The following USP37 variants were observed in gnomAD, a reference collection of about 807,000 sequenced individuals.
USP37 encodes ubiquitin specific peptidase 37.
Under a neutral mutation model 124.0 loss-of-function variants are expected in USP37, and 27 were observed. The observed-to-expected ratio is 0.22, with a 90% CI of 0.16 to 0.30. USP37 has a LOEUF of 0.30. Ranked by LOEUF, USP37 falls within the 10% of genes least tolerant of loss-of-function variation. The probability of loss-of-function intolerance (pLI) is 1.00; values close to 1 mark genes in which losing one functional copy is unlikely to be tolerated. For synonymous variants in USP37, 365 were observed against 388.0 expected (o/e 0.94, Z 0.70); for missense variants, 889 against 1,140.4 (o/e 0.78, Z 3.17).
chr2:218,460,772 C>T (rs890960534), intron 22 of USP37, among the ~76,000 whole-genome samples: 55 of 152,010 alleles, frequency 3.6e-4, no homozygotes, highest in Admixed American at 3.3e-3. Context: ...AAAACTCCTT[C>T]TCTACTAAAA....
intron 14 of USP37, among the ~76,000 whole-genome samples, chr2:218,490,285 G>T (rs1691858363): frequency 6.6e-6 from 1 of 152,138 alleles, no homozygotes; most frequent in Non-Finnish European, 1.5e-5. Flanking sequence ...AACTTGAAGT[G>T]AGCCGAGATC....
In USP37 at chr2:218,455,734, T is replaced by C. The variant is rs372331532; in HGVS notation, c.2714-16A>G. ...ATGTAATGACCTGAAACAAATAACA[T>C]CTTAAAATCAAGGTTTTTAAAAACA... On this transcript the variant is annotated splice_polypyrimidine_tract_variant and intron_variant, in intron 24 of 25. Transcript: ENST00000258399. The C allele has an allele frequency of 1.4e-4, 223 of 1,610,614 alleles. 1 individual carries two copies. In the South Asian group the frequency reaches 1.9e-3, roughly 14 times the overall value.
At chr2:218,566,062 T>C (rs1378083284) in intron 1 of USP37, among the ~76,000 whole-genome samples, 1 of 151,866 alleles carries the variant, frequency 6.6e-6, no homozygotes, top group African/African-American at 2.4e-5. Flanking sequence ...AAAATAATAA[T>C]AACAATAATT....
At chr2:218,560,037 G>A (rs1251055211) in intron 3 of USP37, among the ~76,000 whole-genome samples, 2 of 151,732 alleles carry the variant, frequency 1.3e-5, no homozygotes, top group Non-Finnish European at 1.5e-5. Flanking sequence ...AGCAATAATC[G>A]GATGTGTAAA....
Position 218,464,848 on chromosome 2 carries a change from T to C in USP37, c.2466+1162A>G, listed in dbSNP as rs898784274. Among the ~76,000 whole-genome samples the C allele has an allele frequency of 2.6e-5, 4 of 152,098 alleles. No homozygotes were observed. In the South Asian group the frequency reaches 8.3e-4, roughly 32 times the overall value. Reference sequence around the variant, plus strand: ...CTATAATCCCAGCACTTTGGGAGGTTGTGGTGGGAGGACTGCTTAAGCCCA... The same window carrying C: ...CTATAATCCCAGCACTTTGGGAGGTCGTGGTGGGAGGACTGCTTAAGCCCA... On this transcript the variant is annotated intron_variant, in intron 21 of 25. Transcript: ENST00000258399.
intron 11 of USP37, among the ~76,000 whole-genome samples, chr2:218,506,014 C>T (rs1391442293): frequency 6.6e-6 from 1 of 151,894 alleles, no homozygotes; most frequent in Non-Finnish European, 1.5e-5. Flanking sequence ...GAGGTGCACG[C>T]CACCAAGCCC....
At chr2:218,561,552 G>A (rs555061970) in intron 2 of USP37, among the ~76,000 whole-genome samples, 1 of 151,940 alleles carries the variant, frequency 6.6e-6, no homozygotes, top group Non-Finnish European at 1.5e-5. Flanking sequence ...CAGCTACTTG[G>A]GAGGCTGAGG....
chr2:218,473,784 T>C (rs1186883759), intron 20 of USP37, among the ~76,000 whole-genome samples: 1 of 152,246 alleles, frequency 6.6e-6, no homozygotes, highest in Non-Finnish European at 1.5e-5. Flanking sequence ...TAGCATTTTA[T>C]GTACAGTCAT....
At position 218,455,702 on chromosome 2, in the gene USP37, A is replaced by G; in HGVS notation, c.2730T>C (p.Asp910=). The G allele has an allele frequency of 6.2e-7, 1 of 1,612,630 alleles. No homozygotes were observed. Among genetic ancestry groups the G allele is most frequent in the Non-Finnish European group, 8.5e-7 (1 of 1,179,622 alleles). ...STSSSGHYIS[D]VYDIKKQAWF... ...ACGCTTGCTTCTTAATGTCATATAC[A>G]TCACTAATGTAATGACCTGAAACAA... Residue 910 remains aspartate (D), a synonymous_variant, in exon 25 of 26, where the codon GAT becomes GAC. Transcript: ENST00000258399.
chr2:218,544,711 C>G (rs1692228031), intron 8 of USP37, among the ~76,000 whole-genome samples: 1 of 152,146 alleles, frequency 6.6e-6, no homozygotes, highest in Non-Finnish European at 1.5e-5. Flanking sequence ...TAACCAGGAA[C>G]TTATTCCAAC....
chr2:218,474,581 G>T, intron 20 of USP37, 49 bp downstream of exon 20: 1 of 1,594,814 alleles, frequency 6.3e-7, no homozygotes, highest in Non-Finnish European at 8.5e-7. Flanking sequence ...ACAAAACTTT[G>T]AAAGAGTTAT....
intron 10 of USP37, among the ~76,000 whole-genome samples, chr2:218,523,137 C>T (rs1163332342): frequency 1.3e-5 from 2 of 152,106 alleles, no homozygotes; most frequent in Non-Finnish European, 2.9e-5. Context: ...TTAGCAGGCG[C>T]CTATAATCCC....
Position 218,497,749 on chromosome 2 carries a change from A to G in USP37, c.1266T>C (p.Ser422=). ...TAATACTCACATTCTGCATATAACC[A>G]GAGAATCTCTCTGCTGTAGCTGAAA... is the stretch of plus-strand genomic sequence containing the variant. The part of the protein sequence containing the change: ...NAISATAERF[S]GYMQNDAHEF... Residue 422 remains serine, a synonymous_variant, in exon 13 of 26, where the codon TCT becomes TCC. Transcript: ENST00000258399. 1 of 1,614,116 alleles carries G rather than the reference A, an allele frequency of 6.2e-7. No homozygotes were observed. Among genetic ancestry groups the G allele is most frequent in the Non-Finnish European group, 8.5e-7 (1 of 1,180,008 alleles).
At chr2:218,528,883 T>G (rs1294096619) in intron 10 of USP37, 5 of 391,170 alleles carry the variant, frequency 1.3e-5, no homozygotes, top group Non-Finnish European at 2.2e-5. Context: ...CCAACTAGCC[T>G]TTTCCAATTT....
intron 1 of USP37, among the ~76,000 whole-genome samples, chr2:218,567,466 G>C (rs1401971199): frequency 6.6e-6 from 1 of 152,132 alleles, no homozygotes; most frequent in African/African-American, 2.4e-5. Context: ...TACGTACGCA[G>C]CCCAGAACTC....
chr2:218,497,788 C>T lies in USP37; in HGVS notation c.1227G>A (p.Lys409=). 3 of 1,614,102 alleles carry T rather than the reference C, an allele frequency of 1.9e-6. No homozygotes were observed. The highest frequency in any genetic ancestry group is 8.5e-7 in the Non-Finnish European group (1 of 1,180,004). ...CTGTAGCTGAAATGGCATTTTTAAC[C>T]TTCTTGAGTAAATCCTTTTTGGTCT... ...NSETKKDLLK[K]VKNAISATAE... is the part of the protein sequence containing the mutation. Residue 409 remains lysine, a synonymous_variant, in exon 13 of 26, where the codon AAG becomes AAA. Coordinates refer to ENST00000258399, the MANE Select transcript of USP37 (RefSeq NM_020935.3).
chr2:218,465,246 G>T (rs1356078328), intron 21 of USP37, among the ~76,000 whole-genome samples: 1 of 151,780 alleles, frequency 6.6e-6, no homozygotes, highest in African/African-American at 2.4e-5. Context: ...TAAAATCATG[G>T]TGTTATACTG....
At chr2:218,544,430 T>TATATATATATAGAGAGAGAGAGAGAGAG (rs377397246) in intron 8 of USP37, among the ~76,000 whole-genome samples, 1 of 50,822 alleles carries the variant, frequency 2.0e-5, no homozygotes, top group Admixed American at 3.0e-4. Flanking sequence ...TATATATATA[T>TATATATATATAGAGAGAGAGAGAGAGAG]AGAGAGAGAG....
chr2:218,546,480 A>G (rs514799), intron 7 of USP37, among the ~76,000 whole-genome samples, 182 bp from the exon 8 acceptor site: 100,757 of 152,052 alleles, frequency 0.66, 33,829 homozygotes, highest in East Asian at 0.9. Context: ...GTGTAGTGAC[A>G]TGATCTTGGC....
Sources: allele counts gnomAD v4.1 joint callset (sites outside exome capture counted in the v4.1 genomes callset), GRCh38; gene constraint gnomAD v4.1.1; transcripts MANE v1.5; gene names NCBI Gene and HGNC (gene_info 2026-07-23, HGNC 2026-07-21).